COL21A1: variants seen among roughly 807,000 people sequenced by gnomAD.
COL21A1 encodes collagen alpha-1(XXI) chain.
A neutral mutation model predicts 137.9 loss-of-function variants in COL21A1; 149 were observed. The ratio of observed to expected loss-of-function variants is 1.08; its 90% CI spans 0.95 to 1.24. The LOEUF (loss-of-function observed/expected upper bound fraction) is 1.24, where lower values mean the gene tolerates loss of function less well. Among genes scored for constraint, COL21A1 ranks in the 50% most tolerant of loss-of-function variants. The pLI is 0.00. For missense variants in COL21A1, 1,167 were observed against 1,158.4 expected (o/e 1.01, Z -0.11); for synonymous variants, 456 against 391.5 (o/e 1.16, Z -1.95).
At chr6:56,290,499 A>T (rs4398742) in intron 1 of COL21A1, among the ~76,000 whole-genome samples, 55,123 of 137,330 alleles carry the variant, frequency 0.4, 11,583 homozygotes, top group East Asian at 0.59. Flanking sequence ...CACTTAGGAG[A>T]TTTTTTTTTT....
intron 24 of COL21A1, among the ~76,000 whole-genome samples, chr6:56,063,730 C>A (rs1178178566): frequency 3.9e-5 from 6 of 152,040 alleles, no homozygotes; most frequent in African/African-American, 1.4e-4. Context: ...AAGTAAGGAA[C>A]ACAGAGACCC....
chr6:56,348,059 C>T (rs1582797487), intron 1 of COL21A1, among the ~76,000 whole-genome samples: 2 of 152,254 alleles, frequency 1.3e-5, no homozygotes, highest in South Asian at 4.2e-4. Context: ...GAGGAATACG[C>T]AGTCACATGA....
intron 1 of COL21A1, among the ~76,000 whole-genome samples, chr6:56,384,203 A>C (rs934841298): frequency 1.3e-5 from 2 of 152,120 alleles, no homozygotes; most frequent in African/African-American, 2.4e-5. Context: ...TGCTTCCTTG[A>C]ACAGGCATTT....
At position 56,125,703 on chromosome 6, in the gene COL21A1, A is replaced by G. The variant is rs1773001233; in HGVS notation, c.1597-83T>C. On this transcript the variant is annotated intron_variant, in intron 13 of 29. Transcript: ENST00000244728. ...AGAAAAAATACAGATTATAAGCAAA[A>G]GAGTTTAATATGCCAAAAGCAAAAC... The G allele has an allele frequency of 9.1e-6, 8 of 874,710 alleles. No homozygotes were observed. The South Asian group carries it at 1.9e-4, about 21-fold the overall frequency. 54.2% of individuals were successfully genotyped at this position (874,710 alleles called of 1,614,324 possible).
chr6:56,377,614 A>G (rs2094001670), intron 1 of COL21A1, among the ~76,000 whole-genome samples: 1 of 152,176 alleles, frequency 6.6e-6, no homozygotes, highest in African/African-American at 2.4e-5. Context: ...AGGCTAAAGC[A>G]CTCTGGGGGT....
At position 56,126,078 on chromosome 6, in the gene COL21A1, G is replaced by T. The variant is rs1307662250; in HGVS notation, c.1596+18C>A. ...AAAAATGGCTTTGCTATATTTAAAA[G>T]AAACAGATTTCTTCAACCTTTGATC... On this transcript the variant is annotated intron_variant, in intron 13 of 29. Coordinates refer to ENST00000244728, the MANE Select transcript of COL21A1 (RefSeq NM_030820.4). 1 of 1,510,740 alleles carries T rather than the reference G, an allele frequency of 6.6e-7. No individual in the cohort carries two copies. The highest frequency in any genetic ancestry group is 1.3e-5 in the South Asian group (1 of 78,630). The allele number at this position is 1,510,740 out of a possible 1,614,324, so 93.6% of individuals were successfully genotyped here. A position where few individuals can be genotyped will look rare whatever the true frequency, so the allele number is the denominator to read the frequency against.
chr6:56,183,016 G>A (rs917729874), intron 1 of COL21A1, among the ~76,000 whole-genome samples: 12 of 152,058 alleles, frequency 7.9e-5, no homozygotes, highest in African/African-American at 1.9e-4. Context: ...TCTTTTAAAC[G>A]TGGGTTTGTA....
intron 17 of COL21A1, among the ~76,000 whole-genome samples, chr6:56,089,390 T>C (rs763615292): frequency 1.3e-5 from 2 of 152,196 alleles, no homozygotes; most frequent in Non-Finnish European, 2.9e-5. Context: ...ATTTTTATTA[T>C]AGTAAATAAT....
intron 1 of COL21A1, among the ~76,000 whole-genome samples, chr6:56,273,198 C>A (rs1763567160): frequency 6.6e-6 from 1 of 152,040 alleles, no homozygotes; most frequent in Non-Finnish European, 1.5e-5. Context: ...AATAGGGACA[C>A]AACACAACTT....
chr6:56,374,499 C>T (rs147962516), intron 1 of COL21A1, among the ~76,000 whole-genome samples: 32 of 152,122 alleles, frequency 2.1e-4, no homozygotes, highest in East Asian at 1.7e-3. Context: ...CCCAGGCTAG[C>T]GGATCACAAG....
chr6:56,186,425 C>T (rs147411207), intron 1 of COL21A1, among the ~76,000 whole-genome samples: 5 of 152,224 alleles, frequency 3.3e-5, no homozygotes, highest in Non-Finnish European at 5.9e-5. Flanking sequence ...AAATTCTTTC[C>T]TTCTTAAATC....
At chr6:56,223,536 A>G (rs375155938) in intron 1 of COL21A1, among the ~76,000 whole-genome samples, 1 of 152,110 alleles carries the variant, frequency 6.6e-6, no homozygotes, top group East Asian at 1.9e-4. Flanking sequence ...ACATTTGTTT[A>G]ATGTGCCAAA....
intron 1 of COL21A1, among the ~76,000 whole-genome samples, chr6:56,293,223 A>T (rs945101999): frequency 6.6e-6 from 1 of 152,188 alleles, no homozygotes; most frequent in African/African-American, 2.4e-5. Context: ...TAATGTAAAA[A>T]GTGTCAATAA....
chr6:56,244,771 A>C (rs954099346), intron 1 of COL21A1, among the ~76,000 whole-genome samples: 1 of 152,190 alleles, frequency 6.6e-6, no homozygotes, highest in African/African-American at 2.4e-5. Flanking sequence ...ACACTATTCA[A>C]CTTATCGCTA....
At chr6:56,115,620 A>G (rs1364387740) in intron 16 of COL21A1, among the ~76,000 whole-genome samples, 2 of 152,190 alleles carry the variant, frequency 1.3e-5, no homozygotes, top group African/African-American at 4.8e-5. Context: ...GACACTGAAG[A>G]ACATCTACTA....
intron 1 of COL21A1, among the ~76,000 whole-genome samples, chr6:56,213,427 A>G (rs1006138907): frequency 6.6e-6 from 1 of 152,042 alleles, no homozygotes; most frequent in Admixed American, 6.6e-5. Flanking sequence ...CCAACTAGCA[A>G]GTGTACTTGC....
rs191939431 is a variant in COL21A1 at position 56,354,282 on chromosome 6, G to A, written c.-39+39689C>T. The stretch of plus-strand genomic sequence containing the variant: ...GTAATAAAACCTGTCTCTTGATATA[G>A]TTGTTATACAGGTGTGGTTGTCCCA... On this transcript the variant is annotated intron_variant, in intron 1 of 28. Coordinates refer to the COL21A1 transcript ENST00000370819. Among the ~76,000 whole-genome samples the A allele has an allele frequency of 5.3e-5, 8 of 152,320 alleles. No individual in the cohort carries two copies. In the East Asian group the frequency reaches 1.5e-3, roughly 29 times the overall value.
At chr6:56,236,288 T>A (rs1781893137) in intron 1 of COL21A1, among the ~76,000 whole-genome samples, 1 of 151,998 alleles carries the variant, frequency 6.6e-6, no homozygotes, top group Admixed American at 6.6e-5. Context: ...CAACTAGGTC[T>A]AAAGCCTGGA....
intron 1 of COL21A1, among the ~76,000 whole-genome samples, chr6:56,376,259 T>A (rs1414243618): frequency 6.6e-6 from 1 of 152,144 alleles, no homozygotes; most frequent in African/African-American, 2.4e-5. Flanking sequence ...AGAAGACAAG[T>A]ATAACCTTTG....
Sources: allele counts gnomAD v4.1 joint callset (sites outside exome capture counted in the v4.1 genomes callset), GRCh38; gene constraint gnomAD v4.1.1; transcripts MANE v1.5; gene names NCBI Gene and HGNC (gene_info 2026-07-23, HGNC 2026-07-21).